MYRIP: variants seen among roughly 807,000 people sequenced by gnomAD.
MYRIP encodes rab effector MyRIP.
In MYRIP, 49 loss-of-function variants were observed where a neutral mutation model predicts 98.0. The ratio of observed to expected loss-of-function variants is 0.50; its 90% CI spans 0.40 to 0.63. MYRIP has a LOEUF of 0.63. Ranked by LOEUF, MYRIP falls within the 30% of genes least tolerant of loss-of-function variation. The probability of loss-of-function intolerance (pLI) is 0.00; values close to 1 mark genes in which losing one functional copy is unlikely to be tolerated. For missense variants in MYRIP, 1,004 were observed against 1,058.2 expected (o/e 0.95, Z 0.71); for synonymous variants, 404 against 409.5 (o/e 0.99, Z 0.16).
At chr3:40,153,152 C>A (rs1461160612) in intron 4 of MYRIP, among the ~76,000 whole-genome samples, 1 of 152,024 alleles carries the variant, frequency 6.6e-6, no homozygotes, top group African/African-American at 2.4e-5. Context: ...CAAGACACTT[C>A]ATAGAAATAT....
intron 3 of MYRIP, among the ~76,000 whole-genome samples, chr3:40,077,851 T>C (rs1262626371): frequency 6.6e-6 from 1 of 152,264 alleles, no homozygotes; most frequent in Non-Finnish European, 1.5e-5. Flanking sequence ...CTTCACCCAG[T>C]GGATCCCGCA....
intron 1 of MYRIP, among the ~76,000 whole-genome samples, chr3:39,818,340 G>C (rs985062171): frequency 6.6e-6 from 1 of 152,132 alleles, no homozygotes; most frequent in Admixed American, 6.5e-5. Context: ...AACAGTGCTA[G>C]TTTCTTGGGC....
intron 2 of MYRIP, among the ~76,000 whole-genome samples, chr3:39,959,294 C>G (rs1945257166): frequency 6.6e-6 from 1 of 152,186 alleles, no homozygotes; most frequent in Non-Finnish European, 1.5e-5. Flanking sequence ...CAATGATAGA[C>G]TGAATTAAGA....
At chr3:40,142,834 T>G (rs1345520791) in intron 3 of MYRIP, among the ~76,000 whole-genome samples, 2 of 152,196 alleles carry the variant, frequency 1.3e-5, no homozygotes, top group Non-Finnish European at 2.9e-5. Flanking sequence ...TTGGAAAGCT[T>G]TTCCCTATAA....
intron 2 of MYRIP, among the ~76,000 whole-genome samples, chr3:39,968,307 G>T (rs1432205091): frequency 6.6e-6 from 1 of 151,754 alleles, no homozygotes; most frequent in Non-Finnish European, 1.5e-5. Context: ...CAAGTAGCTG[G>T]GACTACAGGC....
At chr3:40,042,288 TAAA>T (rs66600615) in intron 2 of MYRIP, among the ~76,000 whole-genome samples, 484 of 112,552 alleles carry the variant, frequency 4.3e-3, no homozygotes, top group East Asian at 0.023. Flanking sequence ...ACTGGAAGGA[TAAA>T]AAAAAAAAAA....
At chr3:39,846,236 C>T (rs1468149473) in intron 1 of MYRIP, among the ~76,000 whole-genome samples, 3 of 152,184 alleles carry the variant, frequency 2.0e-5, no homozygotes. Flanking sequence ...AGCTTGCAGA[C>T]ACCATCTGCC....
At chr3:40,143,196 T>C (rs2125563924) in intron 3 of MYRIP, among the ~76,000 whole-genome samples, 1 of 152,256 alleles carries the variant, frequency 6.6e-6, no homozygotes, top group East Asian at 1.9e-4. Flanking sequence ...CCTCAATACA[T>C]AGTGAAAGAA....
At chr3:40,032,094 T>C (rs1178184790) in intron 2 of MYRIP, among the ~76,000 whole-genome samples, 2 of 152,164 alleles carry the variant, frequency 1.3e-5, no homozygotes, top group African/African-American at 4.8e-5. Flanking sequence ...GTGTCCATTT[T>C]GGATCTTTCC....
At chr3:40,193,773 T>C (rs2679814) in intron 10 of MYRIP, among the ~76,000 whole-genome samples, 133,808 of 152,122 alleles carry the variant, frequency 0.88, 59,010 homozygotes, top group Middle Eastern at 0.95. Context: ...AAATCCTCTT[T>C]GGCTAACACT....
chr3:40,108,174 T>TGAGAGAGA lies in MYRIP; in HGVS notation c.333-42842_333-42835dup, dbSNP rs72224557. 2.9e-3 allele frequency among the ~76,000 whole-genome samples: 397 copies of TGAGAGAGA among 138,278 alleles called. 4 individuals carry two copies. Among genetic ancestry groups the TGAGAGAGA allele is most frequent in the African/African-American group, 9.9e-3 (372 of 37,496 alleles). 90.7% of individuals were successfully genotyped at this position (138,278 alleles called of 152,430 possible). A position where few individuals can be genotyped will look rare whatever the true frequency, so the allele number is the denominator to read the frequency against. ...CTTAGTTATGAGTTAGCAGTGTTTGTGAGAGAGAGAGAGAGAGAGAGAGAG... is the reference window on the plus strand; with the variant it reads ...CTTAGTTATGAGTTAGCAGTGTTTGTGAGAGAGAGAGAGAGAGAGAGAGAGAGAGAGAG... On this transcript the variant is annotated intron_variant, in intron 3 of 16. Transcript: ENST00000302541.
chr3:40,243,210 C>A (rs1360053998), intron 12 of MYRIP, among the ~76,000 whole-genome samples: 6 of 152,150 alleles, frequency 3.9e-5, no homozygotes, highest in Non-Finnish European at 7.3e-5. Flanking sequence ...AAAGCTCCCA[C>A]AGCCCAGGTA....
rs558982724 is a variant in MYRIP at position 40,061,016 on chromosome 3, A to C, written c.332+16745A>C. Among the ~76,000 whole-genome samples, 17 of 152,324 alleles carry C rather than the reference A, an allele frequency of 1.1e-4. No homozygotes were observed. The South Asian group carries it at 3.3e-3, about 30-fold the overall frequency. On this transcript the variant is annotated intron_variant, in intron 3 of 16. Transcript: ENST00000302541. ...ATGTTGTTATTGACATATTTGATTA[A>C]AAACTTCATTATATTATGCATTTCT... is the stretch of plus-strand genomic sequence containing the variant.
chr3:39,990,615 A>G (rs1946150236), intron 2 of MYRIP, among the ~76,000 whole-genome samples: 1 of 152,224 alleles, frequency 6.6e-6, no homozygotes, highest in South Asian at 2.1e-4. Context: ...GCCCATGACT[A>G]AAGAAGTGTT....
rs560561636 is a variant in MYRIP at position 39,976,127 on chromosome 3, A to G, written c.111-67923A>G. On this transcript the variant is annotated intron_variant, in intron 2 of 16. Coordinates refer to ENST00000302541, the MANE Select transcript of MYRIP (RefSeq NM_015460.4). ...GTGAACTGGCAACCTACAGAATGGGAGAAAACTTTTGCAACCTACTCATCT... is the reference window on the plus strand; with the variant it reads ...GTGAACTGGCAACCTACAGAATGGGGGAAAACTTTTGCAACCTACTCATCT... 3.2e-4 allele frequency among the ~76,000 whole-genome samples: 49 copies of G among 152,326 alleles called. 1 individual carries two copies. The highest frequency in any genetic ancestry group is 9.6e-4 in the African/African-American group (40 of 41,582).
chr3:40,099,677 C>T (rs1036166321), intron 3 of MYRIP, among the ~76,000 whole-genome samples: 11 of 152,192 alleles, frequency 7.2e-5, no homozygotes, highest in African/African-American at 2.7e-4. Flanking sequence ...CAATTATTCC[C>T]TTCCCTCTGT....
Position 40,241,747 on chromosome 3 carries a change from G to C in MYRIP, c.2101-2699G>C, listed in dbSNP as rs1279796247. On this transcript the variant is annotated intron_variant, in intron 12 of 16. Coordinates refer to ENST00000302541, the MANE Select transcript of MYRIP (RefSeq NM_015460.4). ...GCAATCACAGGCATCAATGACTAGA[G>C]TTTGAAGGGGTCATAGATTACTCAG... 1.6e-4 allele frequency among the ~76,000 whole-genome samples: 24 copies of C among 152,268 alleles called. 1 individual carries two copies. Among genetic ancestry groups the C allele is most frequent in the Admixed American group, 1.5e-3 (23 of 15,298 alleles).
intron 1 of MYRIP, among the ~76,000 whole-genome samples, chr3:39,826,942 A>G (rs766617762): frequency 6.6e-6 from 1 of 152,126 alleles, no homozygotes; most frequent in Non-Finnish European, 1.5e-5. Flanking sequence ...TACTGATATT[A>G]TATCAGGCAA....
intron 9 of MYRIP, among the ~76,000 whole-genome samples, chr3:40,185,627 G>A (rs1235950731): frequency 2.0e-5 from 3 of 152,174 alleles, no homozygotes; most frequent in Non-Finnish European, 4.4e-5. Flanking sequence ...AAAGTTTGCT[G>A]AGGGAAAATT....
Sources: gnomAD v4.1 joint callset for allele counts (sites outside exome capture counted in the v4.1 genomes callset) on GRCh38, gnomAD v4.1.1 for gene constraint, MANE v1.5 for transcripts, NCBI Gene and HGNC (gene_info 2026-07-23, HGNC 2026-07-21) for gene names.